The following ETNK2 variants were observed in gnomAD, a reference collection of about 807,000 sequenced individuals.
The protein encoded by ETNK2 is ethanolamine kinase 2, also known as ethanolamine kinase-like protein.
In ETNK2, 33 loss-of-function variants were observed where a neutral mutation model predicts 46.2. The observed-to-expected ratio is 0.71, with a 90% confidence interval of 0.54 to 0.96. The LOEUF is 0.96. Ranked by LOEUF, ETNK2 falls within the 40% of genes least tolerant of loss-of-function variation. The pLI, the probability that ETNK2 is intolerant of heterozygous loss-of-function variation, is 0.00. For synonymous variants in ETNK2, 194 were observed against 209.0 expected, an observed-to-expected ratio of 0.93 and a Z score of 0.62; for missense variants, 445 against 509.7, an observed-to-expected ratio of 0.87 and a Z score of 1.22.
chr1:204,151,823 C>A lies in ETNK2; in HGVS notation c.30G>T (p.Pro10=). The change falls in exon 1 of 8, where the codon CCG becomes CCT. Residue 10 remains proline, a synonymous_variant. Transcript: ENST00000367202. This position sits in a 1 kb window ranked among gnomAD's most constrained non-coding sequence, Gnocchi z 8.0. MAVPPSAPQ[P]RASFHLRRHT... The stretch of plus-strand genomic sequence containing the variant: ...GCCTCCTCAGGTGAAAGGACGCGCG[C>A]GGCTGAGGGGCCGAAGGGGGCACAG... The A allele has an allele frequency of 6.8e-7, 1 of 1,476,766 alleles. No homozygotes were observed. The highest frequency in any genetic ancestry group is 1.5e-5 in the African/African-American group (1 of 68,954). The allele number at this position is 1,476,766 out of a possible 1,614,324, so 91.5% of individuals were successfully genotyped here. A position where few individuals can be genotyped will look rare whatever the true frequency, so the allele number is the denominator to read the frequency against.
intron 3 of ETNK2, chr1:204,142,331 A>G (rs904770541): frequency 6.6e-5 from 10 of 152,310 alleles, no homozygotes; most frequent in African/African-American, 2.4e-4. Flanking sequence ...ACAAAGATGC[A>G]TGGGTCAACC....
chr1:204,134,674 G>C, intron 6 of ETNK2, 86 bp from the exon 7 acceptor site: 1 of 1,613,704 alleles, frequency 6.2e-7, no homozygotes, highest in South Asian at 1.1e-5. Flanking sequence ...CAGTCATTGT[G>C]GAAGACACAC....
At chr1:204,135,471 G>A (rs560989327) in intron 6 of ETNK2, among the ~76,000 whole-genome samples, 103 of 152,212 alleles carry the variant, frequency 6.8e-4, no homozygotes, top group African/African-American at 2.3e-3. Context: ...TGCGGTTCCC[G>A]TCTACCCCTG....
At chr1:204,150,778 C>T (rs1657971377) in intron 1 of ETNK2, among the ~76,000 whole-genome samples, 1 of 152,174 alleles carries the variant, frequency 6.6e-6, no homozygotes, top group African/African-American at 2.4e-5. Context: ...CTACTCCATC[C>T]CCAGGGCGGG....
chr1:204,137,383 G>A, intron 5 of ETNK2, 134 bp from the exon 6 acceptor site: 1 of 1,135,586 alleles, frequency 8.8e-7, no homozygotes, highest in Non-Finnish European at 1.2e-6. Flanking sequence ...CAAGGAGGCG[G>A]CCCGAGAAGG....
At chr1:204,144,216 G>A (rs1236062259) in intron 3 of ETNK2, among the ~76,000 whole-genome samples, 1 of 151,512 alleles carries the variant, frequency 6.6e-6, no homozygotes, top group Non-Finnish European at 1.5e-5. Flanking sequence ...CGTGGTGGTG[G>A]GCACCAGTAA....
At position 204,134,541 on chromosome 1, in the gene ETNK2, G is replaced by C; in HGVS notation, c.1062C>G (p.Tyr354Ter). Reference sequence around the variant, plus strand: ...TGAGGAAATCAAAGTCGATGGTGGAGTACTGGTTCTGGATGAGGGCCCAGA... The same window carrying C: ...TGAGGAAATCAAAGTCGATGGTGGACTACTGGTTCTGGATGAGGGCCCAGA... ...WALWALIQNQ[Y>*]STIDFDFLRY... The change falls in exon 7 of 8, where the codon TAC becomes TAG. Residue 354 changes from tyrosine to a stop codon, truncating the protein, a stop_gained. Transcript: ENST00000367202. LOFTEE classifies it high-confidence loss of function. 1 of 1,614,014 alleles carries C rather than the reference G, an allele frequency of 6.2e-7. No individual in the cohort carries two copies.
At chr1:204,143,192 T>A (rs545365608) in intron 3 of ETNK2, among the ~76,000 whole-genome samples, 2 of 151,832 alleles carry the variant, frequency 1.3e-5, no homozygotes, top group African/African-American at 4.8e-5. Flanking sequence ...GTTTCAGTCC[T>A]GGCTCTCCTT....
intron 7 of ETNK2, 25 bp downstream of exon 7, chr1:204,134,490 G>A (rs2293335): frequency 0.67 from 1,076,043 of 1,609,802 alleles, 369,394 homozygotes; most frequent in Admixed American, 0.71. Flanking sequence ...TTTTCTCCAC[G>A]TCCCACCATC....
intron 3 of ETNK2, among the ~76,000 whole-genome samples, chr1:204,143,907 T>C (rs1657665817): frequency 6.6e-6 from 1 of 152,168 alleles, no homozygotes; most frequent in Admixed American, 6.5e-5. Flanking sequence ...CTTAGGCAGC[T>C]TAGGGCATGG....
At chr1:204,146,360 T>C (rs1657779755) in intron 3 of ETNK2, among the ~76,000 whole-genome samples, 1 of 152,006 alleles carries the variant, frequency 6.6e-6, no homozygotes, top group Admixed American at 6.5e-5. Flanking sequence ...CTAAGTAAAA[T>C]GGGGAAATGT....
chr1:204,140,892 G>A (rs1657492894), intron 4 of ETNK2: 2 of 320,264 alleles, frequency 6.2e-6, no homozygotes, highest in Non-Finnish European at 6.0e-6. Context: ...GCTCCATCAT[G>A]GCTCACTGCA....
chr1:204,149,999 TGGGG>T, intron 1 of ETNK2, 37 bp from the exon 2 acceptor site: 14 of 59,704 alleles, frequency 2.3e-4, no homozygotes, highest in Non-Finnish European at 4.2e-4. Flanking sequence ...GGTGGGTGGG[TGGGG>T]CAGGATCTCT....
chr1:204,137,266 CCAGA>C lies in ETNK2; in HGVS notation c.869-21_869-18del, dbSNP rs1342138074. The C allele has an allele frequency of 1.6e-5, 25 of 1,611,796 alleles. No homozygotes were observed. Among genetic ancestry groups the C allele is most frequent in the Admixed American group, 3.3e-5 (2 of 59,854 alleles). On this transcript the variant is annotated intron_variant, in intron 5 of 7. Coordinates refer to ENST00000367202, the MANE Select transcript of ETNK2 (RefSeq NM_018208.4). ...CATTCACGCCTGAGGGGGAGGCAGG[CCAGA>C]CAAAGTTGCTCAGAGATGGGCCCAC...
intron 7 of ETNK2, 60 bp downstream of exon 7, chr1:204,134,454 AC>A: frequency 6.3e-7 from 1 of 1,575,848 alleles, no homozygotes; most frequent in Non-Finnish European, 8.6e-7. Flanking sequence ...CTTTGCCCAC[AC>A]CCTGGGCTCA....
chr1:204,143,231 T>C (rs1657630536), intron 3 of ETNK2, among the ~76,000 whole-genome samples: 1 of 152,060 alleles, frequency 6.6e-6, no homozygotes, highest in Non-Finnish European at 1.5e-5. Context: ...ATTCCTTTTT[T>C]TTTTTTCTTG....
At chr1:204,136,983 AG>A in intron 6 of ETNK2, 120 bp downstream of exon 6, 2 of 1,358,802 alleles carry the variant, frequency 1.5e-6, no homozygotes, top group South Asian at 1.4e-5. Flanking sequence ...GTCAGGAGCC[AG>A]GGATGGGTGT....
chr1:204,140,054 G>C lies in ETNK2; in HGVS notation c.849C>G (p.Asn283Lys), dbSNP rs1372153921. The change falls in exon 5 of 8, where the codon AAC (asparagine) becomes AAG (lysine). Residue 283 changes from asparagine (N) to lysine (K), a missense_variant. Coordinates refer to ENST00000367202, the MANE Select transcript of ETNK2 (RefSeq NM_018208.4). ...GYNYQAFDIG[N>K]HFNEFAGVNE... ...TCTCACCTGCAAACTCATTGAAATG[G>C]TTGCCAATGTCAAAAGCTTGGTAGT... 2 of 1,613,930 alleles carry C rather than the reference G, an allele frequency of 1.2e-6. No individual in the cohort carries two copies. The highest frequency in any genetic ancestry group is 3.3e-5 in the Admixed American group (2 of 60,012).
In ETNK2 at chr1:204,131,743, C is replaced by T. The variant is rs1228779397; in HGVS notation, c.*441G>A. On this transcript the variant is annotated 3_prime_UTR_variant, in exon 8 of 8. Transcript: ENST00000367202. The surrounding 1 kb of genome is among the most constrained non-coding windows in gnomAD (Gnocchi z 4.3). ...ATGCTGGTTTGGAGCTCAGCACCTC[C>T]CACATGGGGCATGCAGGGGGAGACG... is the stretch of plus-strand genomic sequence containing the variant. The T allele has an allele frequency of 2.1e-5, 4 of 189,906 alleles. No individual in the cohort carries two copies. The highest frequency in any genetic ancestry group is 1.1e-5 in the Non-Finnish European group (1 of 89,706). 11.8% of individuals were successfully genotyped at this position (189,906 alleles called of 1,614,324 possible).
Sources: gnomAD v4.1 joint callset for allele counts (sites outside exome capture counted in the v4.1 genomes callset) on GRCh38, gnomAD v4.1.1 for gene constraint, Gnocchi (gnomAD v3.1) non-coding constraint, MANE v1.5 for transcripts, NCBI Gene and HGNC (gene_info 2026-07-23, HGNC 2026-07-21) for gene names.